MYH1: variants seen among roughly 807,000 people sequenced by gnomAD.
MYH1 encodes the protein myosin-1.
In MYH1, 214 loss-of-function variants were observed where a neutral mutation model predicts 225.6. The observed-to-expected ratio is 0.95, with a 90% CI of 0.85 to 1.06. MYH1 has a LOEUF of 1.06. Among genes scored for constraint, MYH1 ranks in the 50% least tolerant of loss-of-function variants. The pLI is 0.00. For missense variants in MYH1, 2,098 were observed against 2,344.2 expected (o/e 0.89, Z 2.17); for synonymous variants, 774 against 842.3 (o/e 0.92, Z 1.40).
rs145283834 is a variant in MYH1, at chr17:10,505,820, G to A, written c.2166C>T (p.Phe722=). 6 of 1,613,992 alleles carry A rather than the reference G, an allele frequency of 3.7e-6. No homozygotes were observed. The highest frequency in any genetic ancestry group is 4.2e-6 in the Non-Finnish European group (5 of 1,179,888). ...CAGCAAAAATGTCTGACCTCTGTTT[G>A]AAGTCTGCATAAAGGATTCTGCTTG... is the stretch of plus-strand genomic sequence containing the variant. The part of the protein sequence containing the change: ...GFPSRILYAD[F]KQRYKVLNAS... Residue 722 remains phenylalanine, a synonymous_variant, in exon 19 of 40, where the codon TTC becomes TTT. Transcript: ENST00000226207.
rs761653024 is a variant in MYH1, at chr17:10,495,193, TCA to T, written c.5292_5293del (p.Asp1765CysfsTer6). On this transcript the variant is annotated frameshift_variant and splice_region_variant, in exon 36 of 40. Coordinates refer to ENST00000226207, the MANE Select transcript of MYH1 (RefSeq NM_005963.4). LOFTEE classifies it high-confidence loss of function. The stretch of plus-strand genomic sequence containing the variant: ...ACCACTGTGTTACCCTTCACTCACA[TCA>T]GTGATGGCCTTCTTGGCCTTCTCTT... 8.1e-5 allele frequency: 130 copies of T among 1,614,120 alleles called. No homozygotes were observed. The highest frequency in any genetic ancestry group is 9.9e-5 in the Non-Finnish European group (117 of 1,180,038).
chr17:10,511,173 G>T (rs902257004), intron 14 of MYH1, among the ~76,000 whole-genome samples: 8 of 151,328 alleles, frequency 5.3e-5, no homozygotes, highest in Non-Finnish European at 1.0e-4. Flanking sequence ...ACCTCTAAAT[G>T]AGACACATCC....
At chr17:10,497,240 A>G (rs749356032) in intron 32 of MYH1, 47 bp from the exon 33 acceptor site, 37 of 1,592,624 alleles carry the variant, frequency 2.3e-5, no homozygotes, top group Non-Finnish European at 3.2e-5. Flanking sequence ...GTTGGAAAAG[A>G]TTCTTTCAAA....
Position 10,517,257 on chromosome 17 carries a change from C to T in MYH1, c.-40-575G>A, listed in dbSNP as rs1009857724. On this transcript the variant is annotated intron_variant, in intron 2 of 39. Transcript: ENST00000226207. ...ATTTTCATTATAAACTTGGGAGTTA[C>T]GAAGACTTCCTAATATACAGGAAAG... 2.6e-5 allele frequency among the ~76,000 whole-genome samples: 4 copies of T among 152,150 alleles called. No homozygotes were observed. The East Asian group carries it at 7.7e-4, about 29-fold the overall frequency.
chr17:10,507,511 A>T (rs925425597), intron 17 of MYH1, among the ~76,000 whole-genome samples: 14 of 152,196 alleles, frequency 9.2e-5, no homozygotes, highest in Non-Finnish European at 2.1e-4. Context: ...TAAGCACCTA[A>T]ATCACTTGGA....
chr17:10,513,943 G>C (rs2073198909), intron 7 of MYH1, 30 bp from the exon 8 acceptor site: 13 of 1,613,818 alleles, frequency 8.1e-6, no homozygotes, highest in Non-Finnish European at 1.0e-5. Context: ...CCTTGCATCT[G>C]GGGCTTGGGA....
Position 10,512,772 on chromosome 17 carries a change from A to G in MYH1, c.917T>C (p.Ile306Thr), listed in dbSNP as rs760868551. 8 of 1,613,966 alleles carry G rather than the reference A, an allele frequency of 5.0e-6. No individual in the cohort carries two copies. The highest frequency in any genetic ancestry group is 5.9e-6 in the Non-Finnish European group (7 of 1,179,984). ...GGCATAATCGTATGGGTTGGTGGTG[A>G]TCAGGAGCATTTCTGGGTCACAGAA... ...KKPDLIEMLL[I>T]TTNPYDYAFV... The change falls in exon 11 of 40, where the codon ATC (isoleucine) becomes ACC (threonine). Residue 306 changes from isoleucine (I) to threonine (T), a missense_variant. Coordinates refer to ENST00000226207, the MANE Select transcript of MYH1 (RefSeq NM_005963.4).
rs758033877 is a variant in MYH1, at chr17:10,507,888, T to G, written c.1966A>C (p.Arg656=). 8 of 1,612,632 alleles carry G rather than the reference T, an allele frequency of 5.0e-6. No homozygotes were observed. In the South Asian group the frequency reaches 8.8e-5, roughly 18 times the overall value. ...GACAGAGAAAATGAAGTTTGTACCCTGAAGAGAGCAGACACAGTCTGGAAA... is the reference window on the plus strand; with the variant it reads ...GACAGAGAAAATGAAGTTTGTACCCGGAAGAGAGCAGACACAGTCTGGAAA... ...SSFQTVSALF[R]ENLNKLMTNL... The change falls in exon 17 of 40, where the codon AGG becomes CGG. Residue 656 remains arginine (R), a splice_region_variant and synonymous_variant. Transcript: ENST00000226207.
chr17:10,494,723 T>G (rs1334577682), intron 37 of MYH1, 50 bp from the exon 38 acceptor site: 1 of 1,608,102 alleles, frequency 6.2e-7, no homozygotes, highest in African/African-American at 1.3e-5. Flanking sequence ...AATTTCTACT[T>G]CTTCACATGA....
Position 10,504,978 on chromosome 17 carries a change from T to C in MYH1, c.2523A>G (p.Lys841=), listed in dbSNP as rs1309851277. 1.2e-6 allele frequency: 2 copies of C among 1,614,080 alleles called. No individual in the cohort carries two copies. The highest frequency in any genetic ancestry group is 1.7e-6 in the Non-Finnish European group (2 of 1,180,038). ...CTGTCTCTGCACTTTTGAGGAGGGG[T>C]TTGATCTTGAAATACAGCTTCATCC... ...WPWMKLYFKI[K]PLLKSAETEK... The change falls in exon 22 of 40, where the codon AAA becomes AAG. Residue 841 remains lysine, a synonymous_variant. Transcript: ENST00000226207.
Position 10,502,884 on chromosome 17 carries a change from G to C in MYH1, c.2965C>G (p.Leu989Val). ...GTCAGCTTAGCAATGGTTTCATCCAGACCCGCCATCTCTTCTGTGAGGTTT... is the reference window on the plus strand; with the variant it reads ...GTCAGCTTAGCAATGGTTTCATCCACACCCGCCATCTCTTCTGTGAGGTTT... ...VKNLTEEMAGLDETIAKLTKE... is the reference protein window; with the variant it reads ...VKNLTEEMAGVDETIAKLTKE... The change falls in exon 24 of 40, where the codon CTG becomes GTG. Residue 989 changes from leucine (L) to valine (V), a missense_variant. Leu to Val is a conservative substitution (Grantham distance 32). Transcript: ENST00000226207. The C allele has an allele frequency of 6.2e-7, 1 of 1,614,062 alleles. No homozygotes were observed. Among genetic ancestry groups the C allele is most frequent in the Non-Finnish European group, 8.5e-7 (1 of 1,180,040 alleles).
At chr17:10,495,860 T>G in intron 35 of MYH1, 90 bp downstream of exon 35, 1 of 1,468,560 alleles carries the variant, frequency 6.8e-7, no homozygotes. Flanking sequence ...CATGAAATCT[T>G]ATAAATAGAT....
intron 6 of MYH1, among the ~76,000 whole-genome samples, chr17:10,514,526 G>T (rs146199496): frequency 6.6e-6 from 1 of 152,202 alleles, no homozygotes; most frequent in East Asian, 1.9e-4. Flanking sequence ...TCTCTAAGTG[G>T]GCCTTAAAAA....
chr17:10,511,982 T>C lies in MYH1; in HGVS notation c.1273A>G (p.Asn425Asp). The stretch of plus-strand genomic sequence containing the variant: ...GCTTTGGCCAGAGCACCCACTGCAT[T>C]GTACACCTTCACAGATAAAGTTTGT... ...TKGQTVQQVY[N>D]AVGALAKAVY... is the part of the protein sequence containing the mutation. The change falls in exon 14 of 40, where the codon AAT becomes GAT. Residue 425 changes from asparagine (N) to aspartate (D), a missense_variant. Transcript: ENST00000226207. The C allele has an allele frequency of 6.2e-7, 1 of 1,614,182 alleles. No individual in the cohort carries two copies. The highest frequency in any genetic ancestry group is 1.3e-5 in the African/African-American group (1 of 75,042).
At chr17:10,511,741 T>C (rs2073171603) in intron 14 of MYH1, 98 bp downstream of exon 14, 2 of 1,583,942 alleles carry the variant, frequency 1.3e-6, no homozygotes, top group Non-Finnish European at 1.7e-6. Flanking sequence ...CTATTTTTCA[T>C]AGACCCTTTC....
chr17:10,505,524 G>T lies in MYH1; in HGVS notation c.2175-13C>A. On this transcript the variant is annotated splice_polypyrimidine_tract_variant and intron_variant, in intron 19 of 39. Transcript: ENST00000226207. ...TAACACCTTGTATCTGTTTAAGCCAGACAAAAAAATGATATGGCTGTTGCC... is the reference window on the plus strand; with the variant it reads ...TAACACCTTGTATCTGTTTAAGCCATACAAAAAAATGATATGGCTGTTGCC... The T allele has an allele frequency of 6.2e-7, 1 of 1,605,936 alleles. No individual in the cohort carries two copies. Among genetic ancestry groups the T allele is most frequent in the South Asian group, 1.1e-5 (1 of 89,244 alleles).
chr17:10,509,400 A>G, intron 15 of MYH1, 85 bp downstream of exon 15: 2 of 1,583,376 alleles, frequency 1.3e-6, no homozygotes, highest in Non-Finnish European at 1.7e-6. Flanking sequence ...AGAAATATTT[A>G]GCCATTGCCT....
At chr17:10,498,048 G>T in intron 30 of MYH1, 131 bp from the exon 31 acceptor site, 2 of 873,614 alleles carry the variant, frequency 2.3e-6, no homozygotes, top group Non-Finnish European at 1.7e-6. Context: ...TGTAGGTCCA[G>T]TTCTATATTA....
At chr17:10,513,326 C>T (rs1467881356) in intron 9 of MYH1, among the ~76,000 whole-genome samples, 3 of 152,036 alleles carry the variant, frequency 2.0e-5, no homozygotes, top group Non-Finnish European at 4.4e-5. Flanking sequence ...ATCCTCAATC[C>T]CTGGACAACT....
Sources: gnomAD v4.1 joint callset for allele counts (sites outside exome capture counted in the v4.1 genomes callset) on GRCh38, gnomAD v4.1.1 for gene constraint, MANE v1.5 for transcripts, NCBI Gene and HGNC (gene_info 2026-07-23, HGNC 2026-07-21) for gene names.